The following ATOSA variants were observed in gnomAD, a reference collection of about 807,000 sequenced individuals.
ATOSA encodes the protein atos homolog protein A.
chr15:52,610,359 T>C, the ATOSA span: 5 of 1,611,438 alleles, frequency 3.1e-6, no homozygotes, highest in African/African-American at 4.0e-5. Flanking sequence ...AATTCCACTG[T>C]AGGTCTACAT....
At chr15:52,658,567 G>C in the ATOSA span, 1 of 326,654 alleles carries the variant, frequency 3.1e-6, no homozygotes, top group Non-Finnish European at 5.5e-6. Flanking sequence ...CGCACTTAAT[G>C]GGAATAAATT....
the ATOSA span, among the ~76,000 whole-genome samples, chr15:52,597,890 C>T: frequency 3.0e-4 from 45 of 152,144 alleles, no homozygotes; most frequent in African/African-American, 9.4e-4. Flanking sequence ...TTTGGGAGGC[C>T]GAGGCAGGTG....
the ATOSA span, among the ~76,000 whole-genome samples, chr15:52,640,624 A>T: frequency 1.2e-5 from 1 of 84,704 alleles, no homozygotes; most frequent in Non-Finnish European, 2.4e-5. Flanking sequence ...TCAGAGATTT[A>T]AAATGTAGAC....
the ATOSA span, among the ~76,000 whole-genome samples, chr15:52,630,059 C>T: frequency 5.3e-4 from 81 of 152,130 alleles, no homozygotes; most frequent in Non-Finnish European, 9.4e-4. Context: ...CATTACTGTA[C>T]TTTTGTTTCC....
chr15:52,621,751 T>C, the ATOSA span, among the ~76,000 whole-genome samples: 22 of 152,228 alleles, frequency 1.4e-4, no homozygotes, highest in African/African-American at 4.3e-4. Flanking sequence ...TCTCTAGCCA[T>C]GTGGAACTGT....
the ATOSA span, chr15:52,600,114 C>T: frequency 6.9e-7 from 1 of 1,456,802 alleles, no homozygotes; most frequent in Non-Finnish European, 9.6e-7. Context: ...AGAACAGTTT[C>T]AAAGCACATT....
At chr15:52,647,130 T>C in the ATOSA span, among the ~76,000 whole-genome samples, 7 of 152,206 alleles carry the variant, frequency 4.6e-5, no homozygotes, top group Non-Finnish European at 5.9e-5. Flanking sequence ...ATGACAGTGA[T>C]AAAATGGAGT....
chr15:52,587,302 A>G, the ATOSA span: 3 of 1,183,294 alleles, frequency 2.5e-6, no homozygotes, highest in Non-Finnish European at 3.6e-6. Context: ...CATGTAATTT[A>G]TTAAAATTTC....
the ATOSA span, chr15:52,611,753 A>G: frequency 6.2e-7 from 1 of 1,613,972 alleles, no homozygotes; most frequent in Non-Finnish European, 8.5e-7. Context: ...GTGACCTCAG[A>G]CCTAGTTCGT....
At chr15:52,651,463 T>C in the ATOSA span, among the ~76,000 whole-genome samples, 1 of 152,210 alleles carries the variant, frequency 6.6e-6, no homozygotes, top group African/African-American at 2.4e-5. Flanking sequence ...ATTAAAAATA[T>C]GCAGCTTATT....
At chr15:52,631,884 T>C in the ATOSA span, among the ~76,000 whole-genome samples, 1 of 152,176 alleles carries the variant, frequency 6.6e-6, no homozygotes. Context: ...ACTACAGGAA[T>C]GCGCCATCAT....
the ATOSA span, among the ~76,000 whole-genome samples, chr15:52,616,276 C>T: frequency 2.0e-5 from 3 of 152,158 alleles, no homozygotes; most frequent in African/African-American, 4.8e-5. Context: ...AGGAAGGGTT[C>T]TACGGTAGTG....
chr15:52,659,887 G>T, the ATOSA span, among the ~76,000 whole-genome samples: 3 of 152,062 alleles, frequency 2.0e-5, no homozygotes, highest in Non-Finnish European at 4.4e-5. Context: ...TAAAATTCAT[G>T]ATCCAAACAG....
At chr15:52,601,088 T>C in the ATOSA span, 3 of 1,528,018 alleles carry the variant, frequency 2.0e-6, no homozygotes, top group Admixed American at 6.5e-5. Context: ...ATAAATACCT[T>C]CTAGATGAGA....
the ATOSA span, among the ~76,000 whole-genome samples, chr15:52,599,749 G>T: frequency 6.6e-6 from 1 of 152,114 alleles, no homozygotes; most frequent in African/African-American, 2.4e-5. Context: ...AAACCTTTTG[G>T]TTTTGCAAAT....
chr15:52,613,416 C>G, the ATOSA span, among the ~76,000 whole-genome samples: 1 of 152,132 alleles, frequency 6.6e-6, no homozygotes, highest in Non-Finnish European at 1.5e-5. Context: ...AGTCTTAAAT[C>G]TAGCTTATGA....
chr15:52,696,219 C>T, the ATOSA span, among the ~76,000 whole-genome samples: 1 of 152,142 alleles, frequency 6.6e-6, no homozygotes, highest in African/African-American at 2.4e-5. Flanking sequence ...CATCCTCTGT[C>T]TTACCGAAGC....
At chr15:52,610,862 C>A in the ATOSA span, among the ~76,000 whole-genome samples, 1 of 152,198 alleles carries the variant, frequency 6.6e-6, no homozygotes, top group African/African-American at 2.4e-5. Flanking sequence ...AACTTTTCTA[C>A]TTTATAATAG....
chr15:52,596,560 G>A, the ATOSA span, among the ~76,000 whole-genome samples: 7 of 152,196 alleles, frequency 4.6e-5, no homozygotes, highest in Non-Finnish European at 1.0e-4. Context: ...AAAGCTTTGT[G>A]ACCTTGGGTT....
Sources: allele counts gnomAD v4.1 joint callset (sites outside exome capture counted in the v4.1 genomes callset), GRCh38; gene constraint gnomAD v4.1.1; transcripts MANE v1.5; gene names NCBI Gene and HGNC (gene_info 2026-07-23, HGNC 2026-07-21).